Variants in WSCD1 observed in about 807,000 individuals in gnomAD.
WSCD1 encodes sialate:O-sulfotransferase 1.
Under a neutral mutation model 60.4 loss-of-function variants are expected in WSCD1, and 41 were observed. The observed-to-expected ratio is 0.68, with a 90% CI of 0.53 to 0.88. The LOEUF (loss-of-function observed/expected upper bound fraction) is 0.88. Among genes scored for constraint, WSCD1 ranks in the 40% least tolerant of loss-of-function variants. The pLI is 0.00. For missense variants in WSCD1, 784 were observed against 796.2 expected, an observed-to-expected ratio of 0.98 and a Z score of 0.18; for synonymous variants, 361 against 332.5, an observed-to-expected ratio of 1.09 and a Z score of -0.93.
At chr17:6,095,974 T>C (rs1910397378) in intron 5 of WSCD1, among the ~76,000 whole-genome samples, 1 of 152,138 alleles carries the variant, frequency 6.6e-6, no homozygotes, top group African/African-American at 2.4e-5. Context: ...GTACCCTCAA[T>C]GTGGCTTTGA....
rs1440477522 is a variant in WSCD1 at position 6,080,111 on chromosome 17, C to T, written c.-288-260C>T. Reference sequence around the variant, plus strand: ...ATTGATATTGCTGTCATCACTGACTCCTCATTATTCCTCAAGGGGAGAGCT... The same window carrying T: ...ATTGATATTGCTGTCATCACTGACTTCTCATTATTCCTCAAGGGGAGAGCT... On this transcript the variant is annotated intron_variant, in intron 1 of 8. Coordinates refer to ENST00000317744, the MANE Select transcript of WSCD1 (RefSeq NM_015253.2). This position sits in a 1 kb window ranked among gnomAD's most constrained non-coding sequence, Gnocchi z 6.6. The T allele has an allele frequency of 6.4e-6, 1 of 156,278 alleles. No individual in the cohort carries two copies. The highest frequency in any genetic ancestry group is 1.4e-5 in the Non-Finnish European group (1 of 71,274). 9.7% of individuals were successfully genotyped at this position (156,278 alleles called of 1,614,324 possible).
Position 6,101,541 on chromosome 17 carries a change from G to A in WSCD1, c.849+6318G>A, listed in dbSNP as rs1270558995. On this transcript the variant is annotated intron_variant, in intron 5 of 8. Coordinates refer to ENST00000317744, the MANE Select transcript of WSCD1 (RefSeq NM_015253.2). This position sits in a 1 kb window ranked among gnomAD's most constrained non-coding sequence, Gnocchi z 4.1. ...ATGTCTACTGTTTTTGCTAGTTCGC[G>A]AAAATGGATTTGGGGAGATCCAAGA... is the stretch of plus-strand genomic sequence containing the variant. 1.3e-5 allele frequency among the ~76,000 whole-genome samples: 2 copies of A among 152,108 alleles called. No individual in the cohort carries two copies. The highest frequency in any genetic ancestry group is 4.8e-5 in the African/African-American group (2 of 41,434).
At chr17:6,106,677 C>T (rs1327400251) in intron 5 of WSCD1, among the ~76,000 whole-genome samples, 1 of 152,146 alleles carries the variant, frequency 6.6e-6, no homozygotes, top group Admixed American at 6.5e-5. Context: ...GAATGGTACA[C>T]CTGGGATCAG....
rs1261854732 is a variant in WSCD1 at position 6,123,688 on chromosome 17, T to G, written c.*3027T>G. ...CTTGCTCGGAAACCCATTGGAGGTA[T>G]CTGAAATGTGATGACTCCAAAGGGG... On this transcript the variant is annotated 3_prime_UTR_variant, in exon 9 of 9. Transcript: ENST00000317744. The G allele has an allele frequency of 6.6e-6, 1 of 152,172 alleles. No homozygotes were observed. Among genetic ancestry groups the G allele is most frequent in the Non-Finnish European group, 1.5e-5 (1 of 68,026 alleles). The allele number at this position is 152,172 out of a possible 1,614,324, so 9.4% of individuals were successfully genotyped here.
Position 6,102,507 on chromosome 17 carries a change from A to G in WSCD1, c.850-7100A>G, listed in dbSNP as rs150550528. 5.7e-3 allele frequency among the ~76,000 whole-genome samples: 873 copies of G among 152,360 alleles called. 9 individuals are homozygous for G. The highest frequency in any genetic ancestry group is 0.02 in the African/African-American group (844 of 41,588). ...AACCTGTTGATACTGTACTCTCTGC[A>G]TATTTTGAAAAACACGTATTGTTTG... is the stretch of plus-strand genomic sequence containing the variant. On this transcript the variant is annotated intron_variant, in intron 5 of 8. Coordinates refer to ENST00000317744, the MANE Select transcript of WSCD1 (RefSeq NM_015253.2).
chr17:6,099,324 G>T (rs1910647478), intron 5 of WSCD1, among the ~76,000 whole-genome samples: 1 of 151,978 alleles, frequency 6.6e-6, no homozygotes, highest in Non-Finnish European at 1.5e-5. Context: ...TGACCATCCT[G>T]GCCAACATGG....
Position 6,120,110 on chromosome 17 carries a change from T to A in WSCD1, c.1376-199T>A, listed in dbSNP as rs111801354. ...GCACAGCGTCCTCATCCCACCAGGA[T>A]GCCCAGAGCTGCCCCCACCCACCAC... On this transcript the variant is annotated intron_variant, in intron 8 of 8. Transcript: ENST00000317744. Among the ~76,000 whole-genome samples the A allele has an allele frequency of 1.0e-3, 153 of 152,310 alleles. 2 individuals are homozygous for A. The highest frequency in any genetic ancestry group is 3.2e-3 in the African/African-American group (135 of 41,558).
rs1567546762 is a variant in WSCD1 at position 6,070,437 on chromosome 17, C to CCGCCCCGCCGTTCAGCCCGGA, written c.-499_-479dup. ...CCGCCCCGGCTCCGCGCCCGCCCGC[C>CCGCCCCGCCGTTCAGCCCGGA]CGCCCCGCCGTTCAGCCCGGACGCC... On this transcript the variant is annotated 5_prime_UTR_variant, in exon 1 of 9. Transcript: ENST00000317744. The CCGCCCCGCCGTTCAGCCCGGA allele has an allele frequency of 6.8e-6, 1 of 147,096 alleles. No homozygotes were observed. The highest frequency in any genetic ancestry group is 1.5e-5 in the Non-Finnish European group (1 of 65,866). 9.1% of individuals were successfully genotyped at this position (147,096 alleles called of 1,614,324 possible).
intron 5 of WSCD1, among the ~76,000 whole-genome samples, chr17:6,107,522 A>G (rs1402490627): frequency 1.3e-5 from 2 of 152,024 alleles, no homozygotes; most frequent in Non-Finnish European, 2.9e-5. Context: ...GAAAAAAAAA[A>G]GATCCTACAT....
intron 2 of WSCD1, among the ~76,000 whole-genome samples, chr17:6,085,311 G>A (rs1319229664): frequency 6.6e-6 from 1 of 152,106 alleles, no homozygotes; most frequent in Non-Finnish European, 1.5e-5. Context: ...GAGTTTCTGG[G>A]AAGAAAAGTA....
intron 2 of WSCD1, among the ~76,000 whole-genome samples, chr17:6,086,256 T>C (rs1223196492): frequency 2.6e-5 from 3 of 116,756 alleles, no homozygotes; most frequent in Non-Finnish European, 6.1e-5. Flanking sequence ...ACTTCATATA[T>C]ATATATATAT....
chr17:6,099,609 A>C (rs1910673652), intron 5 of WSCD1, among the ~76,000 whole-genome samples: 1 of 151,960 alleles, frequency 6.6e-6, no homozygotes, highest in Non-Finnish European at 1.5e-5. Context: ...TGTCATGGCC[A>C]CCTCCAGATA....
chr17:6,070,878 G>A (rs1908498535), intron 1 of WSCD1, among the ~76,000 whole-genome samples: 1 of 151,034 alleles, frequency 6.6e-6, no homozygotes, highest in South Asian at 2.1e-4. Flanking sequence ...GTTGTGGGGG[G>A]GCGGGGGCGG....
rs547919644 is a variant in WSCD1 at position 6,075,569 on chromosome 17, C to G, written c.-288-4802C>G. Among the ~76,000 whole-genome samples the G allele has an allele frequency of 6.6e-6, 1 of 152,222 alleles. No homozygotes were observed. Among genetic ancestry groups the G allele is most frequent in the Admixed American group, 6.5e-5 (1 of 15,296 alleles). ...CTCAGGTTGTCTGAATATCCAGGTGCTCTGGGCTCCTGCTCCCTCCCTGAG... is the reference window on the plus strand; with the variant it reads ...CTCAGGTTGTCTGAATATCCAGGTGGTCTGGGCTCCTGCTCCCTCCCTGAG... On this transcript the variant is annotated intron_variant, in intron 1 of 8. Coordinates refer to ENST00000317744, the MANE Select transcript of WSCD1 (RefSeq NM_015253.2). This position sits in a 1 kb window ranked among gnomAD's most constrained non-coding sequence, Gnocchi z 4.1.
intron 7 of WSCD1, among the ~76,000 whole-genome samples, chr17:6,113,022 TATCACACTACTGACTTAAAA>T (rs1230847186): frequency 6.6e-6 from 1 of 151,940 alleles, no homozygotes; most frequent in Non-Finnish European, 1.5e-5. Flanking sequence ...AAGCTGGAGG[TATCACACTACTGACTTAAAA>T]ATATGTTACA....
At chr17:6,098,337 A>ATAAC (rs1305928650) in intron 5 of WSCD1, among the ~76,000 whole-genome samples, 6 of 152,124 alleles carry the variant, frequency 3.9e-5, no homozygotes, top group Non-Finnish European at 8.8e-5. Context: ...TTCAACTTGT[A>ATAAC]TTTTCAGCCT....
At chr17:6,074,358 A>G (rs1226571635) in intron 1 of WSCD1, among the ~76,000 whole-genome samples, 2 of 152,206 alleles carry the variant, frequency 1.3e-5, no homozygotes, top group African/African-American at 4.8e-5. Flanking sequence ...CAAGACCCAG[A>G]GTTGTTAGGC....
At chr17:6,083,447 G>A (rs1390871838) in intron 2 of WSCD1, among the ~76,000 whole-genome samples, 1 of 152,220 alleles carries the variant, frequency 6.6e-6, no homozygotes. Flanking sequence ...AGAGGCACGT[G>A]CGAAGTGGGC....
rs751982625 is a variant in WSCD1 at position 6,118,845 on chromosome 17, C to G, written c.1375+657C>G. 4.6e-5 allele frequency among the ~76,000 whole-genome samples: 7 copies of G among 152,208 alleles called. No individual in the cohort carries two copies. Among genetic ancestry groups the G allele is most frequent in the Non-Finnish European group, 8.8e-5 (6 of 68,040 alleles). ...TGGGACTCACACCCAATGTCTTAGT[C>G]AGCTCTGGCTGCCATAACAAAATAC... On this transcript the variant is annotated intron_variant, in intron 8 of 8. Transcript: ENST00000317744. The surrounding 1 kb of genome is among the most constrained non-coding windows in gnomAD (Gnocchi z 5.8).
Sources: allele counts gnomAD v4.1 joint callset (sites outside exome capture counted in the v4.1 genomes callset), GRCh38; gene constraint gnomAD v4.1.1; non-coding constraint Gnocchi (gnomAD v3.1); transcripts MANE v1.5; gene names NCBI Gene and HGNC (gene_info 2026-07-23, HGNC 2026-07-21).